The following TCN2 variants were observed in gnomAD, a reference collection of about 807,000 sequenced individuals.
TCN2 encodes the protein transcobalamin 2.
A neutral mutation model predicts 48.6 loss-of-function variants in TCN2; 34 were observed. That is an observed-to-expected ratio of 0.70 (90% confidence interval 0.53 to 0.93). The LOEUF is 0.93. TCN2 is among the 40% of genes least tolerant of loss of function. The pLI is 0.00. For missense variants in TCN2, 652 were observed against 526.1 expected (o/e 1.24, Z -2.34); for synonymous variants, 283 against 212.5 (o/e 1.33, Z -2.89).
chr22:30,617,661 CAG>C (rs1334621956), intron 7 of TCN2, 166 bp downstream of exon 7: 15 of 945,628 alleles, frequency 1.6e-5, no homozygotes, highest in Admixed American at 2.1e-5. Context: ...GTTATGGAAA[CAG>C]GGAGCCATAG....
intron 7 of TCN2, among the ~76,000 whole-genome samples, chr22:30,619,267 A>C (rs751192049): frequency 2.7e-4 from 41 of 152,132 alleles, no homozygotes; most frequent in Non-Finnish European, 1.3e-4. Flanking sequence ...TTTTGTAGAC[A>C]TGGGATTGCT....
chr22:30,620,211 G>A (rs538666373), intron 7 of TCN2, among the ~76,000 whole-genome samples: 2 of 152,150 alleles, frequency 1.3e-5, no homozygotes, highest in East Asian at 3.9e-4. Flanking sequence ...CAGCACTTTG[G>A]GAGGCCAAGG....
intron 7 of TCN2, among the ~76,000 whole-genome samples, chr22:30,620,820 C>G (rs1225424912): frequency 6.6e-6 from 1 of 152,144 alleles, no homozygotes; most frequent in African/African-American, 2.4e-5. Context: ...TTTGAGGCCC[C>G]TGAATGCACA....
Position 30,607,176 on chromosome 22 carries a change from A to G in TCN2, c.-156A>G. On this transcript the variant is annotated 5_prime_UTR_variant, in exon 1 of 9. Coordinates refer to ENST00000215838, the MANE Select transcript of TCN2 (RefSeq NM_000355.4). ...ACCTTCCCCCGCCCCACCCCTCTGC[A>G]GACTTAGCCGTGCATTGCAGGCATG... is the stretch of plus-strand genomic sequence containing the variant. 1 of 787,862 alleles carries G rather than the reference A, an allele frequency of 1.3e-6. No individual in the cohort carries two copies. The highest frequency in any genetic ancestry group is 2.1e-6 in the Non-Finnish European group (1 of 469,320). The allele number at this position is 787,862 out of a possible 1,614,324, so 48.8% of individuals were successfully genotyped here. A position where few individuals can be genotyped will look rare whatever the true frequency, so the allele number is the denominator to read the frequency against.
At chr22:30,611,157 A>G (rs150715006) in intron 2 of TCN2, 94 bp downstream of exon 2, 2 of 1,505,220 alleles carry the variant, frequency 1.3e-6, no homozygotes, top group East Asian at 2.3e-5. Flanking sequence ...CTTTGTGGGC[A>G]GACCTTAGGC....
intron 1 of TCN2, chr22:30,610,483 T>G: frequency 2.6e-6 from 1 of 379,704 alleles, no homozygotes; most frequent in South Asian, 2.1e-5. Context: ...AACTTCTGTT[T>G]CCTCTTCTGT....
chr22:30,614,603 G>C, intron 4 of TCN2, 102 bp downstream of exon 4: 1 of 1,523,368 alleles, frequency 6.6e-7, no homozygotes, highest in East Asian at 2.4e-5. Context: ...ACCTTTCCTT[G>C]GGGCTCCTCC....
chr22:30,618,220 G>T (rs951926221), intron 7 of TCN2, among the ~76,000 whole-genome samples: 2 of 151,144 alleles, frequency 1.3e-5, no homozygotes, highest in South Asian at 2.1e-4. Flanking sequence ...AAAATATTGG[G>T]ATTATAGGTG....
intron 8 of TCN2, 90 bp from the exon 9 acceptor site, chr22:30,626,370 C>G (rs1602059468): frequency 5.0e-6 from 7 of 1,399,202 alleles, no homozygotes; most frequent in East Asian, 2.3e-5. Flanking sequence ...CTTACAGACT[C>G]TAGCCTCAGG....
At chr22:30,617,671 T>C in intron 7 of TCN2, 176 bp downstream of exon 7, 3 of 833,002 alleles carry the variant, frequency 3.6e-6, no homozygotes, top group Non-Finnish European at 5.7e-6. Context: ...CAGGGAGCCA[T>C]AGGCCAGCAT....
chr22:30,609,647 C>T (rs570382440), intron 1 of TCN2, among the ~76,000 whole-genome samples: 2 of 152,168 alleles, frequency 1.3e-5, no homozygotes, highest in South Asian at 4.1e-4. Context: ...ACCCAGAGAG[C>T]CTCACACATT....
chr22:30,611,104 C>CT (rs1452631828), intron 2 of TCN2, 41 bp downstream of exon 2: 1 of 1,612,838 alleles, frequency 6.2e-7, no homozygotes, highest in Admixed American at 1.7e-5. Flanking sequence ...GCTCCACATA[C>CT]TAAGAGATGG....
chr22:30,616,693 A>G (rs1326832848), intron 6 of TCN2, among the ~76,000 whole-genome samples: 4 of 151,984 alleles, frequency 2.6e-5, no homozygotes, highest in Non-Finnish European at 5.9e-5. Context: ...CCCAGCTACT[A>G]GGGAGGCTGA....
chr22:30,626,113 T>C (rs972753760), intron 8 of TCN2, among the ~76,000 whole-genome samples: 1 of 152,066 alleles, frequency 6.6e-6, no homozygotes, highest in Non-Finnish European at 1.5e-5. Context: ...CTGGATTCTG[T>C]GTAGTGAGTG....
intron 2 of TCN2, among the ~76,000 whole-genome samples, chr22:30,612,020 T>G (rs932092233): frequency 2.6e-5 from 4 of 151,934 alleles, no homozygotes; most frequent in Non-Finnish European, 5.9e-5. Flanking sequence ...GAAGATTGCT[T>G]GAGCTCAGGA....
In TCN2 at chr22:30,623,721, CAT is replaced by C. The variant is rs201561752; in HGVS notation, c.1222+645_1222+646del. ...TGAAATATATATATATACAGACACA[CAT>C]ATATATGTATACATATATATACACA... On this transcript the variant is annotated intron_variant, in intron 8 of 8. Transcript: ENST00000215838. Among the ~76,000 whole-genome samples the C allele has an allele frequency of 4.0e-3, 548 of 138,222 alleles. 60 individuals are homozygous for C. Among genetic ancestry groups the C allele is most frequent in the South Asian group, 0.019 (90 of 4,620 alleles). The allele number at this position is 138,222 out of a possible 152,430, so 90.7% of individuals were successfully genotyped here. A position where few individuals can be genotyped will look rare whatever the true frequency, so the allele number is the denominator to read the frequency against.
intron 7 of TCN2, among the ~76,000 whole-genome samples, chr22:30,619,153 T>C (rs1321582786): frequency 6.6e-6 from 1 of 152,238 alleles, no homozygotes; most frequent in Non-Finnish European, 1.5e-5. Flanking sequence ...CACAGCTCAC[T>C]GTAGCCTCAA....
At position 30,623,985 on chromosome 22, in the gene TCN2, C is replaced by CATATATACACACATACATATGTATACAT. The variant is rs2145559549; in HGVS notation, c.1222+917_1222+918insCATATGTATACATATATATACACACATA. ...ATATACACACACATATATATGTATACATATATACACACATATATATGTATA... is the reference window on the plus strand; with the variant it reads ...ATATACACACACATATATATGTATACATATATACACACATACATATGTATACATATATATACACACATATATATGTATA... On this transcript the variant is annotated intron_variant, in intron 8 of 8. Transcript: ENST00000215838. Among the ~76,000 whole-genome samples, 2 of 46,210 alleles carry CATATATACACACATACATATGTATACAT rather than the reference C, an allele frequency of 4.3e-5. 1 individual carries two copies. The highest frequency in any genetic ancestry group is 8.9e-5 in the Non-Finnish European group (2 of 22,364). The allele number at this position is 46,210 out of a possible 152,430, so 30.3% of individuals were successfully genotyped here.
chr22:30,609,543 C>CCTCTCTTTCCTTT (rs2087504159), intron 1 of TCN2, among the ~76,000 whole-genome samples: 1 of 151,798 alleles, frequency 6.6e-6, no homozygotes, highest in African/African-American at 2.4e-5. Context: ...GGTCAGGGAA[C>CCTCTCTTTCCTTT]TCCCTTGCGC....
Sources: allele counts gnomAD v4.1 joint callset (sites outside exome capture counted in the v4.1 genomes callset), GRCh38; gene constraint gnomAD v4.1.1; transcripts MANE v1.5; gene names NCBI Gene and HGNC (gene_info 2026-07-23, HGNC 2026-07-21).